The following ANKRD12 variants were observed in gnomAD, a reference collection of about 807,000 sequenced individuals.
ANKRD12 encodes ankyrin repeat domain 12.
A neutral mutation model predicts 183.4 loss-of-function variants in ANKRD12; 85 were observed. The observed-to-expected ratio is 0.46, with a 90% confidence interval of 0.39 to 0.56. The LOEUF is 0.56. Among genes scored for constraint, ANKRD12 ranks in the 20% least tolerant of loss-of-function variants. ANKRD12 has a pLI of 0.00. For synonymous variants in ANKRD12, 914 were observed against 800.2 expected (o/e 1.14, Z -2.40); for missense variants, 2,405 against 2,357.1 (o/e 1.02, Z -0.42).
intron 1 of ANKRD12, among the ~76,000 whole-genome samples, chr18:9,171,291 G>A (rs1436290960): frequency 6.6e-6 from 1 of 152,192 alleles, no homozygotes; most frequent in Non-Finnish European, 1.5e-5. Context: ...GCTGTAGACT[G>A]GAGCTGTTCC....
chr18:9,266,199 A>G (rs2039282122), intron 10 of ANKRD12, among the ~76,000 whole-genome samples: 1 of 152,358 alleles, frequency 6.6e-6, no homozygotes, highest in East Asian at 1.9e-4. Flanking sequence ...TCTGCAGGAT[A>G]TTATCCAGGA....
chr18:9,216,954 C>G, intron 7 of ANKRD12, 54 bp downstream of exon 7: 1 of 1,533,314 alleles, frequency 6.5e-7, no homozygotes, highest in Non-Finnish European at 8.9e-7. Context: ...ATAAATTCAA[C>G]CCAAAGTAAT....
At chr18:9,241,379 AG>A (rs2037652999) in intron 8 of ANKRD12, among the ~76,000 whole-genome samples, 1 of 152,188 alleles carries the variant, frequency 6.6e-6, no homozygotes, top group South Asian at 2.1e-4. Context: ...ATGACGTCTT[AG>A]TAGCTTCCAG....
At chr18:9,237,840 A>C (rs950932152) in intron 8 of ANKRD12, among the ~76,000 whole-genome samples, 1 of 152,196 alleles carries the variant, frequency 6.6e-6, no homozygotes, top group Non-Finnish European at 1.5e-5. Flanking sequence ...GTCAAAGTAC[A>C]GTCGGACACA....
chr18:9,196,493 A>C (rs1727868758), intron 3 of ANKRD12, among the ~76,000 whole-genome samples: 1 of 152,220 alleles, frequency 6.6e-6, no homozygotes, highest in Non-Finnish European at 1.5e-5. Context: ...TTTTAGCCTC[A>C]GAGAAAGTAT....
At position 9,282,640 on chromosome 18, in the gene ANKRD12, T is replaced by A. The variant is rs542762474; in HGVS notation, c.*1514T>A. ...ATTTGCAAAACTTTCCACAGTACTT[T>A]CTTGAATTATAATACTGAATGTTTT... On this transcript the variant is annotated 3_prime_UTR_variant, in exon 13 of 13. Transcript: ENST00000262126. 1 of 152,712 alleles carries A rather than the reference T, an allele frequency of 6.5e-6. No individual in the cohort carries two copies. Among genetic ancestry groups the A allele is most frequent in the South Asian group, 2.1e-4 (1 of 4,832 alleles). 9.5% of individuals were successfully genotyped at this position (152,712 alleles called of 1,614,324 possible).
chr18:9,172,172 T>C (rs1357686148), intron 1 of ANKRD12, among the ~76,000 whole-genome samples: 9 of 152,198 alleles, frequency 5.9e-5, no homozygotes, highest in Admixed American at 5.9e-4. Flanking sequence ...ACATTTTTTC[T>C]TTCATTTTGA....
chr18:9,263,930 G>T, intron 10 of ANKRD12, 42 bp downstream of exon 10: 2 of 1,279,934 alleles, frequency 1.6e-6, no homozygotes, highest in Non-Finnish European at 1.1e-6. Flanking sequence ...AAAATAACTG[G>T]TTTCTAGCAA....
At chr18:9,181,386 T>C (rs1216296112) in intron 1 of ANKRD12, among the ~76,000 whole-genome samples, 1 of 152,228 alleles carries the variant, frequency 6.6e-6, no homozygotes, top group Non-Finnish European at 1.5e-5. Context: ...ATAATTTACA[T>C]AGATACTAGA....
intron 8 of ANKRD12, among the ~76,000 whole-genome samples, chr18:9,230,833 A>G (rs1047945257): frequency 7.1e-6 from 1 of 140,030 alleles, no homozygotes; most frequent in African/African-American, 2.7e-5. Flanking sequence ...TAATTTTTGT[A>G]TTTTTTTTTT....
chr18:9,279,167 T>C (rs947334376), intron 11 of ANKRD12, among the ~76,000 whole-genome samples: 2 of 152,210 alleles, frequency 1.3e-5, no homozygotes, highest in Middle Eastern at 3.2e-3. Context: ...AAGGCAGCTC[T>C]CTCCCACCTG....
chr18:9,222,075 TA>T, intron 8 of ANKRD12, 76 bp downstream of exon 8: 1 of 1,531,784 alleles, frequency 6.5e-7, no homozygotes, highest in Non-Finnish European at 8.9e-7. Context: ...TCATTTGTAA[TA>T]TACAAAATGT....
chr18:9,232,113 C>A (rs114364630), intron 8 of ANKRD12, among the ~76,000 whole-genome samples: 1,574 of 152,114 alleles, frequency 0.01, 21 homozygotes, highest in African/African-American at 0.036. Flanking sequence ...GTGTATTATT[C>A]TTTGTTCCTT....
chr18:9,245,824 A>T (rs904164209), intron 8 of ANKRD12, among the ~76,000 whole-genome samples: 1 of 152,300 alleles, frequency 6.6e-6, no homozygotes, highest in Admixed American at 6.5e-5. Context: ...GAAGTAGAAG[A>T]TATTCAGATA....
chr18:9,264,777 T>G (rs2039183345), intron 10 of ANKRD12, among the ~76,000 whole-genome samples: 1 of 152,208 alleles, frequency 6.6e-6, no homozygotes, highest in Admixed American at 6.5e-5. Context: ...TTAAGACGTT[T>G]GAAACCACCT....
At position 9,255,370 on chromosome 18, in the gene ANKRD12, T is replaced by A; in HGVS notation, c.2103T>A (p.Phe701Leu). ...FDREFWKENFFKSDETEDLFL... is the reference protein window; with the variant it reads ...FDREFWKENFLKSDETEDLFL... ...GAGAATTTTGGAAAGAGAATTTTTT[T>A]AAAAGTGATGAAACTGAAGATCTCT... Residue 701 changes from phenylalanine to leucine, a missense_variant, in exon 9 of 13, where the codon TTT (phenylalanine) becomes TTA (leucine). Phe to Leu is a conservative substitution (Grantham distance 22, BLOSUM62 0). This residue lies in a region of ANKRD12 where 1,983 missense variants were observed against 1,725.9 expected (regional missense o/e 1.15). Coordinates refer to ENST00000262126, the MANE Select transcript of ANKRD12 (RefSeq NM_015208.5). 6.2e-7 allele frequency: 1 copy of A among 1,607,478 alleles called. No individual in the cohort carries two copies.
rs546229670 is a variant in ANKRD12 at position 9,140,108 on chromosome 18, A to G, written c.-52+3143A>G. Among the ~76,000 whole-genome samples the G allele has an allele frequency of 3.9e-5, 6 of 152,334 alleles. No individual in the cohort carries two copies. The East Asian group carries it at 1.2e-3, about 29-fold the overall frequency. On this transcript the variant is annotated intron_variant, in intron 1 of 12. Coordinates refer to ENST00000262126, the MANE Select transcript of ANKRD12 (RefSeq NM_015208.5). ...CTTGCCTTCTATCAGCTGCAACTTT[A>G]AAAATACAAAAATAATAGCCTTGTC...
At chr18:9,275,470 T>C (rs1225057244) in intron 10 of ANKRD12, 54 bp from the exon 11 acceptor site, 1 of 1,560,632 alleles carries the variant, frequency 6.4e-7, no homozygotes, top group Non-Finnish European at 8.8e-7. Context: ...AAGACTGTTC[T>C]TAAACAAAAA....
intron 9 of ANKRD12, chr18:9,260,317 G>GA (rs1337442001): frequency 6.6e-6 from 1 of 152,148 alleles, no homozygotes; most frequent in Non-Finnish European, 1.5e-5. Context: ...GGCCAAGGTG[G>GA]AAAGACCACT....
Sources: gnomAD v4.1 joint callset for allele counts (sites outside exome capture counted in the v4.1 genomes callset) on GRCh38, gnomAD v4.1.1 for gene constraint, gnomAD v4.1.1 regional missense constraint, MANE v1.5 for transcripts, NCBI Gene and HGNC (gene_info 2026-07-23, HGNC 2026-07-21) for gene names.